ANKRD30B: variants seen among roughly 807,000 people sequenced by gnomAD.
ANKRD30B encodes ankyrin repeat domain-containing protein 30B.
In ANKRD30B, 144 loss-of-function variants were observed where a neutral mutation model predicts 202.2. The observed-to-expected ratio is 0.71, with a 90% CI of 0.62 to 0.82. ANKRD30B has a LOEUF of 0.82. ANKRD30B is among the 40% of genes least tolerant of loss of function. The probability of loss-of-function intolerance (pLI) is 0.00; values close to 1 mark genes in which losing one functional copy is unlikely to be tolerated. For missense variants in ANKRD30B, 1,487 were observed against 1,669.1 expected, an observed-to-expected ratio of 0.89 and a Z score of 1.90; for synonymous variants, 508 against 561.3, an observed-to-expected ratio of 0.91 and a Z score of 1.34.
At chr18:14,918,822 G>A in the ANKRD30B span, among the ~76,000 whole-genome samples, 13 of 152,198 alleles carry the variant, frequency 8.5e-5, no homozygotes, top group Non-Finnish European at 1.5e-4. Flanking sequence ...CCCCTAGTGC[G>A]ATAGTGTTGG....
chr18:14,852,550 A>G (rs1971937616), intron 42 of ANKRD30B, 130 bp downstream of exon 42: 1 of 1,201,214 alleles, frequency 8.3e-7, no homozygotes, highest in African/African-American at 1.6e-5. Flanking sequence ...CAGCTTAGAA[A>G]CATGCCTCAT....
At chr18:14,828,224 G>A (rs1723413952) in intron 32 of ANKRD30B, 54 bp from the exon 33 acceptor site, 2 of 1,339,024 alleles carry the variant, frequency 1.5e-6, no homozygotes, top group South Asian at 1.3e-5. Flanking sequence ...TTAATATTCT[G>A]TATTTTTTAT....
At chr18:14,912,832 G>T in the ANKRD30B span, among the ~76,000 whole-genome samples, 5 of 152,212 alleles carry the variant, frequency 3.3e-5, no homozygotes, top group Non-Finnish European at 7.3e-5. Context: ...TGCCTGGTCT[G>T]ATCTCAGGAT....
At chr18:14,890,161 T>A in the ANKRD30B span, 1 of 693,052 alleles carries the variant, frequency 1.4e-6, no homozygotes, top group Non-Finnish European at 2.5e-6. Flanking sequence ...AATGGCCATT[T>A]GTTCTTATTT....
At chr18:14,786,064 A>C (rs1480192908) in intron 14 of ANKRD30B, among the ~76,000 whole-genome samples, 2 of 151,280 alleles carry the variant, frequency 1.3e-5, no homozygotes, top group Non-Finnish European at 2.9e-5. Context: ...AAAAAAAAAA[A>C]AAAAAAACAG....
At chr18:14,824,914 A>G (rs1970599971) in intron 32 of ANKRD30B, among the ~76,000 whole-genome samples, 1 of 152,182 alleles carries the variant, frequency 6.6e-6, no homozygotes, top group Admixed American at 6.5e-5. Flanking sequence ...TTTGTCTAAA[A>G]TCCATTTGGT....
At chr18:14,860,011 C>T in the ANKRD30B span, among the ~76,000 whole-genome samples, 1,965 of 136,368 alleles carry the variant, frequency 0.014, 60 homozygotes, top group African/African-American at 0.052. Context: ...AGGGTGGGAG[C>T]TGGGCAGAGG....
chr18:14,774,324 G>C (rs1269317100), intron 9 of ANKRD30B, among the ~76,000 whole-genome samples: 3 of 152,032 alleles, frequency 2.0e-5, no homozygotes, highest in African/African-American at 7.2e-5. Flanking sequence ...ATACTTGATT[G>C]ACTGGTCACG....
chr18:14,831,740 G>T (rs71364895), intron 34 of ANKRD30B, among the ~76,000 whole-genome samples: 1 of 152,016 alleles, frequency 6.6e-6, no homozygotes, highest in Non-Finnish European at 1.5e-5. Context: ...ATAGTGACAG[G>T]AACATTATAT....
At chr18:14,809,267 C>T (rs1364714200) in intron 26 of ANKRD30B, among the ~76,000 whole-genome samples, 2 of 150,808 alleles carry the variant, frequency 1.3e-5, no homozygotes, top group Non-Finnish European at 3.0e-5. Context: ...TAAGAATTTA[C>T]AATATAGTGT....
chr18:14,926,924 TGTG>T, the ANKRD30B span, among the ~76,000 whole-genome samples: 3 of 127,328 alleles, frequency 2.4e-5, no homozygotes, highest in Middle Eastern at 3.7e-3. Context: ...GAGCAAGGGT[TGTG>T]TGTGTGTGTG....
intron 34 of ANKRD30B, among the ~76,000 whole-genome samples, chr18:14,835,024 A>G (rs895037834): frequency 1.3e-5 from 2 of 151,934 alleles, no homozygotes; most frequent in African/African-American, 4.8e-5. Flanking sequence ...TAGGTTATTT[A>G]ACTAATTTAT....
chr18:14,932,437 C>T, the ANKRD30B span, among the ~76,000 whole-genome samples: 1 of 152,138 alleles, frequency 6.6e-6, no homozygotes, highest in Non-Finnish European at 1.5e-5. Context: ...CCCGGGTTCA[C>T]GACATTCTCC....
At chr18:14,791,261 T>C in intron 15 of ANKRD30B, 140 bp from the exon 16 acceptor site, 1 of 639,144 alleles carries the variant, frequency 1.6e-6, no homozygotes, top group Non-Finnish European at 2.7e-6. Context: ...TTTGATTTTC[T>C]ATACGTGTGT....
the ANKRD30B span, among the ~76,000 whole-genome samples, chr18:14,932,422 C>A: frequency 1.1e-4 from 17 of 152,078 alleles, no homozygotes; most frequent in Non-Finnish European, 2.9e-5. Context: ...CTGCAAGCTC[C>A]GCCTCCCGGG....
the ANKRD30B span, among the ~76,000 whole-genome samples, chr18:14,879,032 G>A: frequency 6.6e-6 from 1 of 152,126 alleles, no homozygotes. Context: ...CAGGCCGGGG[G>A]CACCGCGAGG....
At chr18:14,800,350 C>T (rs1358086496) in intron 22 of ANKRD30B, among the ~76,000 whole-genome samples, 1 of 150,140 alleles carries the variant, frequency 6.7e-6, no homozygotes, top group Non-Finnish European at 1.5e-5. Context: ...CTGTCTCGCC[C>T]ATCTCGTTGT....
chr18:14,784,249 G>T (rs1376235297), intron 12 of ANKRD30B, 87 bp from the exon 13 acceptor site: 4 of 1,325,558 alleles, frequency 3.0e-6, no homozygotes, highest in Non-Finnish European at 4.3e-6. Context: ...CAACCAAGAG[G>T]ACTCAGTTAG....
the ANKRD30B span, among the ~76,000 whole-genome samples, chr18:14,907,736 TC>T: frequency 6.6e-6 from 1 of 152,264 alleles, no homozygotes; most frequent in African/African-American, 2.4e-5. Context: ...CTCCCAAGCG[TC>T]CTGGCAGGAT....
Sources: gnomAD v4.1 joint callset for allele counts (sites outside exome capture counted in the v4.1 genomes callset) on GRCh38, gnomAD v4.1.1 for gene constraint, MANE v1.5 for transcripts, NCBI Gene and HGNC (gene_info 2026-07-23, HGNC 2026-07-21) for gene names.